CDH2: variants seen among roughly 807,000 people sequenced by gnomAD.
The protein encoded by CDH2 is cadherin-2.
In CDH2, 17 loss-of-function variants were observed where a neutral mutation model predicts 92.0. The observed-to-expected ratio is 0.18, with a 90% confidence interval of 0.13 to 0.28. The LOEUF is 0.28. Among genes scored for constraint, CDH2 ranks in the 10% least tolerant of loss-of-function variants. CDH2 has a pLI of 1.00. For synonymous variants in CDH2, 419 were observed against 415.9 expected (o/e 1.01, Z -0.09); for missense variants, 862 against 1,133.1 (o/e 0.76, Z 3.44).
At chr18:27,960,612 A>G (rs2011376022) in intron 15 of CDH2, among the ~76,000 whole-genome samples, 1 of 152,222 alleles carries the variant, frequency 6.6e-6, no homozygotes, top group South Asian at 2.1e-4. Flanking sequence ...GTATACACAC[A>G]AAGAGAATCG....
intron 14 of CDH2, among the ~76,000 whole-genome samples, chr18:27,968,132 T>G (rs948780276): frequency 2.0e-5 from 3 of 152,222 alleles, no homozygotes; most frequent in Admixed American, 6.5e-5. Flanking sequence ...GCTCATCATC[T>G]GTCAAGAATT....
intron 2 of CDH2, among the ~76,000 whole-genome samples, chr18:28,020,615 A>AT (rs1161257379): frequency 6.6e-6 from 1 of 152,006 alleles, no homozygotes; most frequent in African/African-American, 2.4e-5. Context: ...TTATTTTTCA[A>AT]AATATGAAGC....
At chr18:27,988,412 TAA>T in intron 11 of CDH2, 110 bp downstream of exon 11, 4 of 871,542 alleles carry the variant, frequency 4.6e-6, no homozygotes, top group Non-Finnish European at 7.1e-6. Context: ...CTCGGAATTA[TAA>T]AAGTCAGTTT....
chr18:28,001,553 T>C (rs920761192), intron 7 of CDH2, among the ~76,000 whole-genome samples: 2 of 152,200 alleles, frequency 1.3e-5, no homozygotes, highest in African/African-American at 2.4e-5. Context: ...CATATAAAAA[T>C]AGTATTTCAT....
chr18:27,965,833 AATC>A (rs2011519575), intron 14 of CDH2, among the ~76,000 whole-genome samples: 1 of 151,672 alleles, frequency 6.6e-6, no homozygotes, highest in Admixed American at 6.6e-5. Flanking sequence ...AAAATACAAA[AATC>A]AGCCGGATGT....
chr18:27,995,336 T>C (rs188787269), intron 7 of CDH2, among the ~76,000 whole-genome samples: 82 of 108,150 alleles, frequency 7.6e-4, no homozygotes, highest in African/African-American at 2.9e-3. Context: ...AAAAAAAAAA[T>C]GTTAACATAG....
downstream of CDH2, among the ~76,000 whole-genome samples, chr18:27,948,659 A>G (rs1388609267): frequency 1.3e-5 from 2 of 152,124 alleles, no homozygotes; most frequent in East Asian, 3.9e-4. Flanking sequence ...ATGGCTAATG[A>G]GCATAAGAAA....
chr18:28,007,165 A>AAAAAAATATATATATATATATAT (rs1172779200), intron 5 of CDH2, among the ~76,000 whole-genome samples: 35 of 110,446 alleles, frequency 3.2e-4, no homozygotes, highest in South Asian at 1.2e-3. Flanking sequence ...ATAAAAAAAA[A>AAAAAAATATATATATATATATAT]ATATATATAT....
Position 28,062,865 on chromosome 18 carries a change from C to T in CDH2, c.173-48956G>A, listed in dbSNP as rs576687313. Among the ~76,000 whole-genome samples the T allele has an allele frequency of 2.0e-5, 3 of 152,170 alleles. No homozygotes were observed. In the South Asian group the frequency reaches 6.2e-4, roughly 32 times the overall value. On this transcript the variant is annotated intron_variant, in intron 2 of 15. Transcript: ENST00000269141. ...GCACATGCTTGGAGTCCCAGCTACT[C>T]CGGAGGCTGAGGCAGGAGAATTGCT...
At chr18:27,993,801 G>A (rs1401924452) in intron 7 of CDH2, among the ~76,000 whole-genome samples, 164 bp from the exon 8 acceptor site, 2 of 152,176 alleles carry the variant, frequency 1.3e-5, no homozygotes, top group African/African-American at 4.8e-5. Context: ...AACTTATGAA[G>A]CACAGGTCTG....
chr18:28,148,088 C>T (rs1367039361), intron 1 of CDH2, among the ~76,000 whole-genome samples: 2 of 152,050 alleles, frequency 1.3e-5, no homozygotes, highest in Admixed American at 6.5e-5. Context: ...ACCAAGTGGG[C>T]GTGGGGTTTG....
intron 2 of CDH2, among the ~76,000 whole-genome samples, chr18:28,059,455 T>C (rs907309706): frequency 4.6e-5 from 7 of 152,338 alleles, no homozygotes; most frequent in African/African-American, 1.7e-4. Flanking sequence ...ATGAGACAAG[T>C]AGCTGGGTTT....
intron 2 of CDH2, among the ~76,000 whole-genome samples, chr18:28,137,306 A>G (rs1035784606): frequency 2.0e-5 from 3 of 152,292 alleles, no homozygotes; most frequent in African/African-American, 7.2e-5. Context: ...CATACAACAC[A>G]GAGTATAAAT....
At position 28,144,913 on chromosome 18, in the gene CDH2, C is replaced by CA. The variant is rs1422813298; in HGVS notation, c.172+2759dup. ...ATTTTGATAAAATTCATTACACTAG[C>CA]AAAAAATAAAGGGAAATGGGGAGGA... On this transcript the variant is annotated intron_variant, in intron 2 of 15. Coordinates refer to ENST00000269141, the MANE Select transcript of CDH2 (RefSeq NM_001792.5). Among the ~76,000 whole-genome samples the CA allele has an allele frequency of 1.4e-4, 22 of 152,064 alleles. No homozygotes were observed. The East Asian group carries it at 4.1e-3, about 28-fold the overall frequency.
intron 2 of CDH2, among the ~76,000 whole-genome samples, chr18:28,104,999 GA>G (rs2015298913): frequency 6.6e-6 from 1 of 151,722 alleles, no homozygotes; most frequent in African/African-American, 2.4e-5. Context: ...CATGTTTATT[GA>G]AGAAAATTTT....
intron 2 of CDH2, among the ~76,000 whole-genome samples, chr18:28,115,406 T>A (rs1341342887): frequency 6.6e-6 from 1 of 152,166 alleles, no homozygotes; most frequent in Non-Finnish European, 1.5e-5. Flanking sequence ...GCTGTCCTGG[T>A]GCTGACCACC....
At chr18:28,108,507 G>T (rs976397381) in intron 2 of CDH2, among the ~76,000 whole-genome samples, 1 of 152,098 alleles carries the variant, frequency 6.6e-6, no homozygotes, top group African/African-American at 2.4e-5. Context: ...ACACACTGGG[G>T]CTCAGCTTTT....
At chr18:28,170,347 T>G (rs1308529121) in intron 1 of CDH2, among the ~76,000 whole-genome samples, 3 of 152,190 alleles carry the variant, frequency 2.0e-5, no homozygotes, top group African/African-American at 7.2e-5. Flanking sequence ...CTCTGTAGCT[T>G]TTTTAAATTT....
chr18:28,162,404 G>A (rs1598519426), intron 1 of CDH2, among the ~76,000 whole-genome samples: 1 of 152,118 alleles, frequency 6.6e-6, no homozygotes, highest in South Asian at 2.1e-4. Context: ...CCAAGGTGGG[G>A]TGAGGTCAGG....
Sources: gnomAD v4.1 joint callset for allele counts (sites outside exome capture counted in the v4.1 genomes callset) on GRCh38, gnomAD v4.1.1 for gene constraint, MANE v1.5 for transcripts, NCBI Gene and HGNC (gene_info 2026-07-23, HGNC 2026-07-21) for gene names.